The following ZSCAN25 variants were observed in gnomAD, a reference collection of about 807,000 sequenced individuals.
ZSCAN25 encodes the protein zinc finger and SCAN domain containing 25, also known as zinc finger and SCAN domain-containing protein 25.
A neutral mutation model predicts 38.7 loss-of-function variants in ZSCAN25; 27 were observed. The ratio of observed to expected loss-of-function variants is 0.70; its 90% CI spans 0.51 to 0.96. ZSCAN25 has a LOEUF of 0.96. ZSCAN25 is among the 40% of genes least tolerant of loss of function. The pLI is 0.00. For synonymous variants in ZSCAN25, 273 were observed against 277.7 expected (o/e 0.98, Z 0.17); for missense variants, 637 against 705.9 (o/e 0.90, Z 1.11).
downstream of ZSCAN25, among the ~76,000 whole-genome samples, chr7:99,633,787 G>C (rs1808154121): frequency 6.6e-6 from 1 of 152,194 alleles, no homozygotes; most frequent in African/African-American, 2.4e-5. Flanking sequence ...GTTATAATTT[G>C]ATGCTCAAAT....
chr7:99,709,376 A>G, the ZSCAN25 span: 2 of 1,454,064 alleles, frequency 1.4e-6, no homozygotes, highest in Non-Finnish European at 1.9e-6. Flanking sequence ...ATACTGGCAA[A>G]GGATTGTAGC....
chr7:99,712,532 T>C, the ZSCAN25 span, among the ~76,000 whole-genome samples: 3 of 152,228 alleles, frequency 2.0e-5, no homozygotes, highest in Non-Finnish European at 4.4e-5. Context: ...TAGTGATTTC[T>C]AGATGAAACA....
chr7:99,634,195 G>C (rs576120224), downstream of ZSCAN25, among the ~76,000 whole-genome samples: 1 of 152,348 alleles, frequency 6.6e-6, no homozygotes, highest in East Asian at 1.9e-4. Context: ...GTAGAACCAG[G>C]TAACTGCCTA....
the ZSCAN25 span, among the ~76,000 whole-genome samples, chr7:99,683,193 G>T: frequency 6.6e-6 from 1 of 152,150 alleles, no homozygotes; most frequent in African/African-American, 2.4e-5. Context: ...CCTGGAATCA[G>T]CCATTTCTCT....
At chr7:99,643,639 C>G in the ZSCAN25 span, among the ~76,000 whole-genome samples, 4 of 151,958 alleles carry the variant, frequency 2.6e-5, no homozygotes, top group Non-Finnish European at 5.9e-5. Flanking sequence ...TCATCCCAAC[C>G]CCGATGGCCC....
chr7:99,722,204 C>G, the ZSCAN25 span: 2 of 1,529,452 alleles, frequency 1.3e-6, no homozygotes, highest in Non-Finnish European at 1.8e-6. Context: ...AGCTTCATCG[C>G]AAGAGGCTCT....
At chr7:99,653,621 C>T in the ZSCAN25 span, among the ~76,000 whole-genome samples, 1 of 152,158 alleles carries the variant, frequency 6.6e-6, no homozygotes, top group African/African-American at 2.4e-5. This position sits in a 1 kb window ranked among gnomAD's most constrained non-coding sequence, Gnocchi z 4.2. Flanking sequence ...CCCATCCCCT[C>T]CTTTTGGAAT....
chr7:99,647,967 G>A, the ZSCAN25 span: 9 of 985,246 alleles, frequency 9.1e-6, no homozygotes, highest in Non-Finnish European at 1.1e-5. Flanking sequence ...TTTCTTAAAA[G>A]TTATGGATCA....
chr7:99,736,601 A>C, the ZSCAN25 span, among the ~76,000 whole-genome samples: 3 of 152,330 alleles, frequency 2.0e-5, no homozygotes, highest in East Asian at 5.8e-4. Context: ...ATTCCATGAC[A>C]AACAAAATCT....
the ZSCAN25 span, among the ~76,000 whole-genome samples, chr7:99,683,865 C>A: frequency 6.6e-6 from 1 of 152,044 alleles, no homozygotes; most frequent in Non-Finnish European, 1.5e-5. Flanking sequence ...TGGCTGCCAC[C>A]CACCTAATGA....
chr7:99,709,359 A>C, the ZSCAN25 span: 3 of 1,513,784 alleles, frequency 2.0e-6, no homozygotes, highest in Non-Finnish European at 2.7e-6. Flanking sequence ...GTTCCAGAGA[A>C]CAACTCATAC....
At chr7:99,715,968 G>C in the ZSCAN25 span, 2 of 1,611,282 alleles carry the variant, frequency 1.2e-6, no homozygotes, top group African/African-American at 2.7e-5. Context: ...TCCTCTATGC[G>C]TGCAGCAGGA....
At chr7:99,624,029 T>C (rs949587851) in intron 6 of ZSCAN25, 28 bp from the exon 7 acceptor site, 2 of 1,613,952 alleles carry the variant, frequency 1.2e-6, no homozygotes, top group Admixed American at 3.3e-5. Flanking sequence ...ATTCTTTCTT[T>C]ATTCATAGCA....
chr7:99,682,806 T>C, the ZSCAN25 span, among the ~76,000 whole-genome samples: 1 of 152,188 alleles, frequency 6.6e-6, no homozygotes, highest in Non-Finnish European at 1.5e-5. Flanking sequence ...CCTTCATCAG[T>C]GTTTTACAAT....
At chr7:99,663,067 T>A in the ZSCAN25 span, 2 of 1,335,324 alleles carry the variant, frequency 1.5e-6, no homozygotes, top group Non-Finnish European at 9.6e-7. Context: ...GAAAGCAGGA[T>A]GTTTTCCTGA....
At chr7:99,730,658 A>G in the ZSCAN25 span, 1 of 201,830 alleles carries the variant, frequency 5.0e-6, no homozygotes, top group African/African-American at 2.3e-5. Context: ...TACAGAGAGG[A>G]AAGTTTTACT....
chr7:99,713,024 T>C, the ZSCAN25 span, among the ~76,000 whole-genome samples: 48 of 152,332 alleles, frequency 3.2e-4, no homozygotes, highest in South Asian at 1.2e-3. Context: ...AAAATCGCCC[T>C]TATTTGGATA....
intron 1 of ZSCAN25, chr7:99,618,215 T>C (rs992115756): frequency 2.0e-5 from 3 of 152,254 alleles, no homozygotes; most frequent in African/African-American, 7.2e-5. Flanking sequence ...TGGAGGTAAA[T>C]AGGACTCATT....
At chr7:99,714,642 A>G in the ZSCAN25 span, 2 of 1,612,710 alleles carry the variant, frequency 1.2e-6, no homozygotes, top group Non-Finnish European at 1.7e-6. Context: ...ACACAGTGAT[A>G]TTTAATGCTT....
Sources: allele counts gnomAD v4.1 joint callset (sites outside exome capture counted in the v4.1 genomes callset), GRCh38; gene constraint gnomAD v4.1.1; non-coding constraint Gnocchi (gnomAD v3.1); transcripts MANE v1.5; gene names NCBI Gene and HGNC (gene_info 2026-07-23, HGNC 2026-07-21).